Variants in AGBL4 observed in about 807,000 individuals in gnomAD.
AGBL4 encodes the protein cytosolic carboxypeptidase 6.
In AGBL4, 58 loss-of-function variants were observed where a neutral mutation model predicts 66.4. The ratio of observed to expected loss-of-function variants is 0.87; its 90% CI spans 0.71 to 1.09. AGBL4 has a LOEUF of 1.09. AGBL4 is among the 50% of genes least tolerant of loss of function. AGBL4 has a pLI of 0.00. For synonymous variants in AGBL4, 234 were observed against 222.9 expected (o/e 1.05, Z -0.44); for missense variants, 579 against 631.0 (o/e 0.92, Z 0.88).
intron 6 of AGBL4, among the ~76,000 whole-genome samples, chr1:48,778,832 C>T (rs1186495427): frequency 1.3e-5 from 2 of 152,132 alleles, no homozygotes; most frequent in Non-Finnish European, 1.5e-5. Context: ...AAGTGAATCC[C>T]ATCAACATAT....
intron 3 of AGBL4, among the ~76,000 whole-genome samples, chr1:49,248,655 C>T (rs1192122032): frequency 6.6e-6 from 1 of 151,914 alleles, no homozygotes; most frequent in African/African-American, 2.4e-5. Context: ...ACATTGTTTA[C>T]ATCCAAAATT....
chr1:49,242,044 G>C (rs920502648), intron 4 of AGBL4, among the ~76,000 whole-genome samples: 9 of 151,682 alleles, frequency 5.9e-5, no homozygotes, highest in African/African-American at 2.2e-4. Context: ...TCCCCTCGTG[G>C]CCTTAATAGT....
chr1:49,617,418 T>C (rs1199388545), intron 3 of AGBL4, among the ~76,000 whole-genome samples: 2 of 152,208 alleles, frequency 1.3e-5, no homozygotes, highest in Non-Finnish European at 2.9e-5. Flanking sequence ...TTATTCTCCA[T>C]AGCACTTTTT....
chr1:48,888,909 C>T (rs1650639080), intron 5 of AGBL4, among the ~76,000 whole-genome samples: 1 of 152,178 alleles, frequency 6.6e-6, no homozygotes, highest in Admixed American at 6.5e-5. Flanking sequence ...GAGGCATCTG[C>T]ACCTTTGTTT....
chr1:49,202,545 T>C (rs937381428), intron 4 of AGBL4, among the ~76,000 whole-genome samples: 3 of 152,128 alleles, frequency 2.0e-5, no homozygotes, highest in East Asian at 3.9e-4. Flanking sequence ...TCTTCAACAA[T>C]TGGTATTGGG....
At chr1:49,601,618 A>AATAAATGGTGT (rs1229656579) in intron 3 of AGBL4, among the ~76,000 whole-genome samples, 1 of 152,170 alleles carries the variant, frequency 6.6e-6, no homozygotes, top group Admixed American at 6.6e-5. Flanking sequence ...TTCCCTATTT[A>AATAAATGGTGT]ATAAATGGTG....
At chr1:49,273,499 AAG>A (rs1644104627) in intron 3 of AGBL4, among the ~76,000 whole-genome samples, 1 of 150,554 alleles carries the variant, frequency 6.6e-6, no homozygotes, top group Non-Finnish European at 1.5e-5. Context: ...GAGGTTATAC[AAG>A]AGTTTATCAA....
chr1:49,116,382 G>A (rs956915242), intron 4 of AGBL4, among the ~76,000 whole-genome samples: 4 of 151,906 alleles, frequency 2.6e-5, no homozygotes, highest in Admixed American at 6.6e-5. Context: ...TCCCCACCCC[G>A]CCAACAGGCC....
intron 2 of AGBL4, among the ~76,000 whole-genome samples, chr1:49,780,876 C>T (rs1571552042): frequency 6.6e-6 from 1 of 152,048 alleles, no homozygotes; most frequent in Non-Finnish European, 1.5e-5. Flanking sequence ...TCAATAATAA[C>T]ATTAAATATG....
At chr1:49,161,470 C>T (rs1486053585) in intron 4 of AGBL4, among the ~76,000 whole-genome samples, 1 of 152,218 alleles carries the variant, frequency 6.6e-6, no homozygotes, top group Non-Finnish European at 1.5e-5. Flanking sequence ...TCACTGGGAG[C>T]TGCAGACCAG....
chr1:49,065,578 TAATG>T (rs747741034), intron 4 of AGBL4, among the ~76,000 whole-genome samples: 4 of 152,190 alleles, frequency 2.6e-5, no homozygotes, highest in African/African-American at 4.8e-5. Context: ...AAGGTCAGAC[TAATG>T]AATATCATCA....
At chr1:49,865,559 C>A (rs1175565161) in intron 1 of AGBL4, among the ~76,000 whole-genome samples, 1 of 152,056 alleles carries the variant, frequency 6.6e-6, no homozygotes, top group Non-Finnish European at 1.5e-5. Context: ...AAAATAAGAA[C>A]AACAGCATCA....
intron 3 of AGBL4, among the ~76,000 whole-genome samples, chr1:49,577,359 T>C (rs1453664554): frequency 2.0e-5 from 3 of 152,172 alleles, no homozygotes; most frequent in Admixed American, 6.5e-5. Context: ...CTCAGCAACA[T>C]GGACTTCCAC....
At chr1:49,229,201 T>A (rs976211394) in intron 4 of AGBL4, among the ~76,000 whole-genome samples, 1 of 152,170 alleles carries the variant, frequency 6.6e-6, no homozygotes, top group Non-Finnish European at 1.5e-5. Context: ...CCTCTTTCTT[T>A]CCCTGGCATC....
intron 6 of AGBL4, among the ~76,000 whole-genome samples, chr1:48,785,542 G>A (rs1645388669): frequency 6.6e-6 from 1 of 152,130 alleles, no homozygotes. Context: ...GCAACCACTG[G>A]ATAGTTAACA....
intron 1 of AGBL4, among the ~76,000 whole-genome samples, chr1:49,943,751 T>C (rs555664446): frequency 6.6e-6 from 1 of 150,502 alleles, no homozygotes; most frequent in Admixed American, 6.6e-5. Flanking sequence ...AGCAGAACTT[T>C]GTAACAATTC....
chr1:49,527,153 A>G (rs1247084550), intron 3 of AGBL4: 1 of 152,062 alleles, frequency 6.6e-6, no homozygotes, highest in Non-Finnish European at 1.5e-5. Context: ...CTATATAACT[A>G]ACTGTAATTC....
At chr1:48,782,740 G>A (rs1282415739) in intron 6 of AGBL4, among the ~76,000 whole-genome samples, 2 of 152,170 alleles carry the variant, frequency 1.3e-5, no homozygotes, top group African/African-American at 4.8e-5. Flanking sequence ...TGGTATATCT[G>A]TTGCAACTGA....
rs563247767 is a variant in AGBL4, at chr1:49,917,691, C to G, written c.35-66173G>C. ...ACAGATCAATGAGACAGAAAGTTAA[C>G]AAGGATACTCAGGAATTAAACTCAG... is the stretch of plus-strand genomic sequence containing the variant. On this transcript the variant is annotated intron_variant, in intron 1 of 13. Coordinates refer to ENST00000371839, the MANE Select transcript of AGBL4 (RefSeq NM_032785.4). 2.0e-5 allele frequency among the ~76,000 whole-genome samples: 3 copies of G among 152,226 alleles called. No individual in the cohort carries two copies. The South Asian group carries it at 6.2e-4, about 32-fold the overall frequency.
Sources: allele counts gnomAD v4.1 joint callset (sites outside exome capture counted in the v4.1 genomes callset), GRCh38; gene constraint gnomAD v4.1.1; transcripts MANE v1.5; gene names NCBI Gene and HGNC (gene_info 2026-07-23, HGNC 2026-07-21).